The following IMPG1 variants were observed in gnomAD, a reference collection of about 807,000 sequenced individuals.
IMPG1 encodes the protein interphotoreceptor matrix proteoglycan of 150 kDa.
A neutral mutation model predicts 92.0 loss-of-function variants in IMPG1; 85 were observed. That is an observed-to-expected ratio of 0.92 (90% CI 0.78 to 1.11). The LOEUF (loss-of-function observed/expected upper bound fraction) is 1.11, where lower values mean the gene tolerates loss of function less well. Among genes scored for constraint, IMPG1 ranks in the 50% least tolerant of loss-of-function variants. The pLI, the probability that IMPG1 is intolerant of heterozygous loss-of-function variation, is 0.00. For synonymous variants in IMPG1, 367 were observed against 334.1 expected (o/e 1.10, Z -1.08); for missense variants, 1,022 against 956.0 (o/e 1.07, Z -0.91).
At chr6:76,015,759 C>G (rs1392095289) in intron 7 of IMPG1, among the ~76,000 whole-genome samples, 1 of 132,694 alleles carries the variant, frequency 7.5e-6, no homozygotes, top group South Asian at 2.4e-4. Context: ...GAGATGGCAC[C>G]ATTGCACTCC....
chr6:75,967,808 TA>T (rs1782332449), intron 12 of IMPG1, among the ~76,000 whole-genome samples: 1 of 152,180 alleles, frequency 6.6e-6, no homozygotes, highest in Non-Finnish European at 1.5e-5. Flanking sequence ...AGCAAAGTTG[TA>T]AGTGAAAGAA....
intron 1 of IMPG1, among the ~76,000 whole-genome samples, chr6:76,057,180 C>T (rs978268708): frequency 2.2e-4 from 34 of 152,090 alleles, no homozygotes; most frequent in African/African-American, 9.7e-5. Context: ...AGAAAAATAG[C>T]TAATGAATGC....
intron 1 of IMPG1, among the ~76,000 whole-genome samples, chr6:76,046,403 A>G (rs1783944411): frequency 6.6e-6 from 1 of 152,248 alleles, no homozygotes; most frequent in Admixed American, 6.5e-5. Flanking sequence ...CATTGAATAA[A>G]GAAAAGATAG....
chr6:76,066,203 A>G (rs1784307883), intron 1 of IMPG1, among the ~76,000 whole-genome samples: 1 of 152,142 alleles, frequency 6.6e-6, no homozygotes, highest in Non-Finnish European at 1.5e-5. Flanking sequence ...AGTATAACAG[A>G]AAGAAAACTC....
intron 12 of IMPG1, among the ~76,000 whole-genome samples, chr6:75,971,591 A>G (rs1346967693): frequency 6.6e-6 from 1 of 152,220 alleles, no homozygotes; most frequent in East Asian, 1.9e-4. Flanking sequence ...TTGCATTCCT[A>G]GAAAATTCAG....
At chr6:75,993,607 C>G (rs1394580930) in intron 12 of IMPG1, among the ~76,000 whole-genome samples, 4 of 152,144 alleles carry the variant, frequency 2.6e-5, no homozygotes, top group Admixed American at 2.6e-4. Flanking sequence ...ATCCCAAAGG[C>G]TCTTACCTTT....
At chr6:75,946,577 T>G (rs938356409) in intron 14 of IMPG1, among the ~76,000 whole-genome samples, 6 of 152,148 alleles carry the variant, frequency 3.9e-5, no homozygotes, top group African/African-American at 1.2e-4. Flanking sequence ...GTAAAAACAG[T>G]TCCCAATTTG....
At chr6:75,927,427 A>G (rs535717476) in intron 15 of IMPG1, among the ~76,000 whole-genome samples, 99 of 152,242 alleles carry the variant, frequency 6.5e-4, no homozygotes, top group African/African-American at 2.3e-3. Context: ...CCTTATATAA[A>G]TAAATTTCAT....
intron 12 of IMPG1, among the ~76,000 whole-genome samples, chr6:75,960,813 G>A (rs1258659870): frequency 1.3e-4 from 20 of 152,218 alleles, no homozygotes; most frequent in Non-Finnish European, 2.9e-5. Context: ...ATTTCACTCT[G>A]AACTATGCAA....
intron 2 of IMPG1, among the ~76,000 whole-genome samples, chr6:76,040,301 A>C (rs1783813426): frequency 6.6e-6 from 1 of 152,240 alleles, no homozygotes; most frequent in Admixed American, 6.5e-5. Context: ...GGGTATTCCA[A>C]ATACTTCCAG....
At chr6:75,935,493 G>T (rs1230713939) in intron 14 of IMPG1, among the ~76,000 whole-genome samples, 1 of 152,196 alleles carries the variant, frequency 6.6e-6, no homozygotes, top group Non-Finnish European at 1.5e-5. Flanking sequence ...CGACCCCGCC[G>T]CACGTTCGCT....
intron 4 of IMPG1, among the ~76,000 whole-genome samples, chr6:76,030,384 C>T (rs1367965726): frequency 1.3e-5 from 2 of 152,092 alleles, no homozygotes; most frequent in Non-Finnish European, 2.9e-5. Flanking sequence ...GATGCTTGCT[C>T]CCCTCTTTCT....
intron 4 of IMPG1, among the ~76,000 whole-genome samples, chr6:76,028,134 CA>C (rs1783583312): frequency 6.6e-6 from 1 of 152,192 alleles, no homozygotes; most frequent in African/African-American, 2.4e-5. Context: ...TGTATGCTAT[CA>C]ATCATAATTA....
At chr6:76,003,973 T>C (rs1562366015) in intron 10 of IMPG1, 23 bp from the exon 11 acceptor site, 1 of 1,569,264 alleles carries the variant, frequency 6.4e-7, no homozygotes, top group Non-Finnish European at 8.8e-7. Context: ...AATCACAAGA[T>C]TTGAATGTAT....
At chr6:76,004,382 G>A (rs1783053343) in intron 10 of IMPG1, among the ~76,000 whole-genome samples, 2 of 152,128 alleles carry the variant, frequency 1.3e-5, no homozygotes, top group African/African-American at 4.8e-5. Flanking sequence ...GGCTCAAAAG[G>A]GACAAGCCCC....
chr6:75,978,417 T>C (rs181374428), intron 12 of IMPG1, among the ~76,000 whole-genome samples: 106 of 152,348 alleles, frequency 7.0e-4, no homozygotes, highest in Admixed American at 1.6e-3. Flanking sequence ...CTTTTCTATA[T>C]GCTCTTTATT....
chr6:75,995,349 G>C (rs1782878250), intron 12 of IMPG1, among the ~76,000 whole-genome samples: 1 of 152,118 alleles, frequency 6.6e-6, no homozygotes, highest in Non-Finnish European at 1.5e-5. Flanking sequence ...AAACCTTTTA[G>C]TGATTCTTTG....
intron 8 of IMPG1, among the ~76,000 whole-genome samples, chr6:76,008,156 A>C (rs1334916418): frequency 1.3e-5 from 2 of 152,230 alleles, no homozygotes; most frequent in Non-Finnish European, 2.9e-5. Flanking sequence ...CCAGCTTCAC[A>C]GAAAAGGGAA....
At chr6:75,998,388 T>A (rs1178738249) in intron 12 of IMPG1, among the ~76,000 whole-genome samples, 2 of 152,318 alleles carry the variant, frequency 1.3e-5, no homozygotes, top group East Asian at 3.9e-4. Context: ...GGTTTTACAT[T>A]GAGATCATTC....
Sources: gnomAD v4.1 joint callset for allele counts (sites outside exome capture counted in the v4.1 genomes callset) on GRCh38, gnomAD v4.1.1 for gene constraint, MANE v1.5 for transcripts, NCBI Gene and HGNC (gene_info 2026-07-23, HGNC 2026-07-21) for gene names.